The following CCDC15 variants were observed in gnomAD, a reference collection of about 807,000 sequenced individuals.
CCDC15 encodes coiled-coil domain containing 15, also known as coiled-coil domain-containing protein 15.
CCDC15 carries 105 observed loss-of-function variants against 114.5 expected under a neutral mutation model. The ratio of observed to expected loss-of-function variants is 0.92; its 90% CI spans 0.78 to 1.08. The LOEUF (loss-of-function observed/expected upper bound fraction) is 1.08, where lower values mean the gene tolerates loss of function less well. CCDC15 is among the 50% of genes least tolerant of loss of function. CCDC15 has a pLI of 0.00. For synonymous variants in CCDC15, 334 were observed against 377.8 expected, an observed-to-expected ratio of 0.88 and a Z score of 1.34; for missense variants, 1,105 against 1,093.6, an observed-to-expected ratio of 1.01 and a Z score of -0.15.
intron 11 of CCDC15, among the ~76,000 whole-genome samples, chr11:124,997,377 A>G (rs183952153): frequency 3.9e-5 from 6 of 152,280 alleles, no homozygotes; most frequent in South Asian, 2.1e-4. Context: ...TGAAGCCTCA[A>G]ATGAGTGGCT....
chr11:124,959,160 A>C lies in CCDC15; in HGVS notation c.223A>C (p.Lys75Gln). 6.3e-7 allele frequency: 1 copy of C among 1,590,684 alleles called. No individual in the cohort carries two copies. The highest frequency in any genetic ancestry group is 8.5e-7 in the Non-Finnish European group (1 of 1,169,932). ...IEEELKEQLR[K>Q]KQEALKHFQK... ...AGAAGAACTAAAGGAACAGCTAAGA[A>C]AAAAACAAGAAGCTTTGAAACATTT... Residue 75 changes from lysine (K) to glutamine (Q), a missense_variant, in exon 3 of 16, where the codon AAA (lysine) becomes CAA (glutamine). Physicochemically the swap from Lys to Gln is moderately conservative, Grantham distance 53. Transcript: ENST00000344762.
intron 13 of CCDC15, among the ~76,000 whole-genome samples, chr11:125,017,503 CCTA>C (rs1181208295): frequency 6.6e-6 from 1 of 152,098 alleles, no homozygotes; most frequent in African/African-American, 2.4e-5. Context: ...CTTGTGTAAA[CCTA>C]CTGTGCTTCC....
intron 11 of CCDC15, among the ~76,000 whole-genome samples, chr11:124,997,099 T>C (rs1298117292): frequency 6.6e-6 from 1 of 152,244 alleles, no homozygotes; most frequent in Non-Finnish European, 1.5e-5. Flanking sequence ...TATTTGAATA[T>C]ATCACAGTTT....
intron 3 of CCDC15, among the ~76,000 whole-genome samples, chr11:124,959,576 T>C (rs1483414869): frequency 6.6e-6 from 1 of 152,198 alleles, no homozygotes; most frequent in Non-Finnish European, 1.5e-5. Flanking sequence ...GATTGTAGTT[T>C]CTTCATCCAT....
chr11:124,988,901 A>T (rs1948221815), intron 8 of CCDC15, among the ~76,000 whole-genome samples: 1 of 152,182 alleles, frequency 6.6e-6, no homozygotes, highest in Non-Finnish European at 1.5e-5. Flanking sequence ...ACCACATTAC[A>T]ATTACTTCCT....
intron 13 of CCDC15, among the ~76,000 whole-genome samples, chr11:125,036,748 T>C (rs79098760): frequency 6.6e-6 from 1 of 152,038 alleles, no homozygotes; most frequent in African/African-American, 2.4e-5. Context: ...TTAATTCCAC[T>C]ATTAACAGAC....
At chr11:124,995,563 A>C (rs1948350770) in intron 11 of CCDC15, among the ~76,000 whole-genome samples, 1 of 152,242 alleles carries the variant, frequency 6.6e-6, no homozygotes, top group African/African-American at 2.4e-5. Flanking sequence ...GGTGTTAGCC[A>C]TTGTTTAAGT....
intron 11 of CCDC15, among the ~76,000 whole-genome samples, chr11:124,999,559 C>G (rs953463403): frequency 2.6e-5 from 4 of 151,592 alleles, no homozygotes; most frequent in Non-Finnish European, 5.9e-5. Flanking sequence ...TCTATTGAGT[C>G]TATCCAGTGA....
At chr11:124,964,230 G>A (rs1947725684) in intron 4 of CCDC15, among the ~76,000 whole-genome samples, 1 of 152,118 alleles carries the variant, frequency 6.6e-6, no homozygotes, top group African/African-American at 2.4e-5. Flanking sequence ...AATTACCTTG[G>A]GCAGTATGGC....
At chr11:125,012,621 G>A (rs1393997010) in intron 13 of CCDC15, among the ~76,000 whole-genome samples, 1 of 152,114 alleles carries the variant, frequency 6.6e-6, no homozygotes, top group Non-Finnish European at 1.5e-5. Flanking sequence ...GTTGGGTTTG[G>A]GTGGATAAAT....
chr11:124,955,268 A>G (rs974695751), intron 2 of CCDC15, among the ~76,000 whole-genome samples: 1 of 152,210 alleles, frequency 6.6e-6, no homozygotes, highest in Non-Finnish European at 1.5e-5. Context: ...CTTAGTATGG[A>G]TGATAGTTGG....
At chr11:125,014,901 G>A (rs4245060) in intron 13 of CCDC15, among the ~76,000 whole-genome samples, 127,375 of 152,154 alleles carry the variant, frequency 0.84, 53,908 homozygotes, top group African/African-American at 0.96. Flanking sequence ...TCAAGTGCCC[G>A]TGGAACATTT....
At chr11:125,040,450 A>G (rs747595927) in intron 15 of CCDC15, 140 bp from the exon 16 acceptor site, 13 of 714,858 alleles carry the variant, frequency 1.8e-5, no homozygotes, top group East Asian at 2.7e-5. Context: ...CTTGTCATAT[A>G]GTAAGTACTG....
At chr11:124,992,105 G>T (rs374901560) in intron 9 of CCDC15, among the ~76,000 whole-genome samples, 1 of 152,134 alleles carries the variant, frequency 6.6e-6, no homozygotes, top group Non-Finnish European at 1.5e-5. Flanking sequence ...GTTCCTCCTG[G>T]TCTCTCTCCT....
In CCDC15 at chr11:125,038,568, C is replaced by T. The variant is rs751885020; in HGVS notation, c.2549C>T (p.Thr850Ile). Residue 850 changes from threonine to isoleucine, a missense_variant, in exon 14 of 16, where the codon ACC (threonine) becomes ATC (isoleucine). Physicochemically the swap from Thr to Ile is moderately conservative, Grantham distance 89 (BLOSUM62 -1). Transcript: ENST00000344762. ...TTACAACTTCAAGAAATAAAAGGAACCAGAGAAAAACAACAGAGAGAAAAA... is the reference window on the plus strand; with the variant it reads ...TTACAACTTCAAGAAATAAAAGGAATCAGAGAAAAACAACAGAGAGAAAAA... ...AQLQLQEIKG[T>I]REKQQREKEY... 2 of 1,574,978 alleles carry T rather than the reference C, an allele frequency of 1.3e-6. No homozygotes were observed. The highest frequency in any genetic ancestry group is 1.2e-5 in the South Asian group (1 of 83,600).
chr11:125,016,979 G>A (rs896929339), intron 13 of CCDC15, among the ~76,000 whole-genome samples: 2 of 152,224 alleles, frequency 1.3e-5, no homozygotes, highest in Admixed American at 6.5e-5. Context: ...ACTTAATCTT[G>A]TATTGATAGT....
chr11:124,968,963 A>G lies in CCDC15; in HGVS notation c.517-6133A>G, dbSNP rs577636411. ...TGTTGAGTCAAAAATCTTCCTCCCT[A>G]TAACTTTTATCCATTGGTCTTAATT... On this transcript the variant is annotated intron_variant, in intron 4 of 15. Transcript: ENST00000344762. 5.9e-5 allele frequency among the ~76,000 whole-genome samples: 9 copies of G among 152,288 alleles called. No individual in the cohort carries two copies. In the East Asian group the frequency reaches 1.5e-3, roughly 26 times the overall value.
intron 13 of CCDC15, among the ~76,000 whole-genome samples, chr11:125,011,214 T>G (rs1187065733): frequency 6.7e-6 from 1 of 149,248 alleles, no homozygotes; most frequent in Admixed American, 6.6e-5. Flanking sequence ...GTTTCTGTAA[T>G]AGAAGTATTA....
intron 4 of CCDC15, among the ~76,000 whole-genome samples, chr11:124,968,648 C>T (rs1463321135): frequency 6.6e-6 from 1 of 152,146 alleles, no homozygotes; most frequent in Non-Finnish European, 1.5e-5. Context: ...TCGGTTCACC[C>T]TCCGTAGGCT....
Sources: allele counts gnomAD v4.1 joint callset (sites outside exome capture counted in the v4.1 genomes callset), GRCh38; gene constraint gnomAD v4.1.1; transcripts MANE v1.5; gene names NCBI Gene and HGNC (gene_info 2026-07-23, HGNC 2026-07-21).